Variants in CEP112 observed in about 807,000 individuals in gnomAD.
The protein encoded by CEP112 is centrosomal protein 112.
CEP112 carries 127 observed loss-of-function variants against 153.0 expected under a neutral mutation model. That is an observed-to-expected ratio of 0.83 (90% CI 0.72 to 0.96). The LOEUF (loss-of-function observed/expected upper bound fraction) is 0.96. CEP112 is among the 40% of genes least tolerant of loss of function. The pLI, the probability that CEP112 is intolerant of heterozygous loss-of-function variation, is 0.00. For synonymous variants in CEP112, 358 were observed against 374.4 expected (o/e 0.96, Z 0.51); for missense variants, 1,089 against 1,101.2 (o/e 0.99, Z 0.16).
chr17:66,004,818 T>C (rs2064205287), intron 17 of CEP112, among the ~76,000 whole-genome samples: 1 of 152,214 alleles, frequency 6.6e-6, no homozygotes, highest in African/African-American at 2.4e-5. Context: ...GTCATTCTTA[T>C]TTGCAGGTTT....
intron 24 of CEP112, among the ~76,000 whole-genome samples, chr17:65,660,501 TC>T (rs2046333225): frequency 8.1e-6 from 1 of 122,940 alleles, no homozygotes; most frequent in Admixed American, 8.8e-5. Context: ...CTTCCTTCCT[TC>T]CTTCCTTCCT....
At chr17:65,991,957 T>C (rs1021340436) in intron 17 of CEP112, among the ~76,000 whole-genome samples, 4 of 152,044 alleles carry the variant, frequency 2.6e-5, no homozygotes, top group Non-Finnish European at 5.9e-5. Context: ...AGCTCCTAGG[T>C]AAACTGGAAG....
At chr17:65,916,769 A>C (rs2060508554) in intron 19 of CEP112, among the ~76,000 whole-genome samples, 1 of 151,008 alleles carries the variant, frequency 6.6e-6, no homozygotes. Flanking sequence ...CTGGTCTCTC[A>C]CTCCTAGCTC....
chr17:66,044,711 G>A (rs540848671), intron 12 of CEP112, among the ~76,000 whole-genome samples: 2 of 152,296 alleles, frequency 1.3e-5, no homozygotes, highest in South Asian at 4.2e-4. Flanking sequence ...GACGGCAAAT[G>A]GAGAATTATT....
rs769497207 is a variant in CEP112 at position 65,852,051 on chromosome 17, G to GA, written c.2164-18dup. The GA allele has an allele frequency of 1.7e-5, 27 of 1,564,288 alleles. No homozygotes were observed. The Middle Eastern group carries it at 2.9e-3, about 168-fold the overall frequency. On this transcript the variant is annotated splice_polypyrimidine_tract_variant and intron_variant, in intron 20 of 26. Transcript: ENST00000535342. ...GGCAATAACCTTGTTTTTAAAAATG[G>GA]AAAAATGGGCAGAAGATATCAATAG...
intron 17 of CEP112, among the ~76,000 whole-genome samples, chr17:65,980,994 G>GA (rs2063206287): frequency 6.6e-6 from 1 of 152,160 alleles, no homozygotes; most frequent in Non-Finnish European, 1.5e-5. Flanking sequence ...GTCTTTAGTA[G>GA]AACATGGAGA....
intron 21 of CEP112, among the ~76,000 whole-genome samples, chr17:65,839,737 T>G (rs919134749): frequency 1.3e-5 from 2 of 152,050 alleles, no homozygotes; most frequent in Non-Finnish European, 2.9e-5. Context: ...AAATTATCCT[T>G]ATTCACAGAC....
chr17:65,695,348 T>C (rs1489246736), intron 23 of CEP112, among the ~76,000 whole-genome samples: 1 of 152,196 alleles, frequency 6.6e-6, no homozygotes, highest in African/African-American at 2.4e-5. Flanking sequence ...AACATGCCCA[T>C]TGAATGGCAC....
In CEP112 at chr17:66,084,750, G is replaced by C. The variant is rs1369752924; in HGVS notation, c.768+11501C>G. 4.6e-5 allele frequency among the ~76,000 whole-genome samples: 7 copies of C among 151,756 alleles called. No individual in the cohort carries two copies. In the South Asian group the frequency reaches 1.0e-3, roughly 23 times the overall value. The stretch of plus-strand genomic sequence containing the variant: ...GAACGAAGAAACCTATAATTTGCTG[G>C]AACAATAAGGTGACTACAGTCAAAA... On this transcript the variant is annotated intron_variant, in intron 8 of 26. Coordinates refer to ENST00000535342, the MANE Select transcript of CEP112 (RefSeq NM_001199165.4).
intron 21 of CEP112, among the ~76,000 whole-genome samples, chr17:65,757,791 G>C (rs1436881592): frequency 6.6e-6 from 1 of 152,130 alleles, no homozygotes; most frequent in African/African-American, 2.4e-5. Context: ...TAACTTATCA[G>C]GCAAACTGTC....
intron 21 of CEP112, among the ~76,000 whole-genome samples, chr17:65,837,957 C>T (rs563162016): frequency 2.0e-5 from 3 of 152,214 alleles, no homozygotes; most frequent in African/African-American, 4.8e-5. Context: ...CTGCGGAAGG[C>T]GGCAGGGCCC....
rs374024332 is a variant in CEP112 at position 65,653,998 on chromosome 17, G to A, written c.2698-12933C>T. Among the ~76,000 whole-genome samples, 10 of 143,236 alleles carry A rather than the reference G, an allele frequency of 7.0e-5. No individual in the cohort carries two copies. The South Asian group carries it at 1.1e-3, about 16-fold the overall frequency. 94.0% of individuals were successfully genotyped at this position (143,236 alleles called of 152,430 possible). ...TGCTTGAACCCAGGAGACAGAGGTT[G>A]CAGTAAGCCGAGATTGCGCCACTGT... On this transcript the variant is annotated intron_variant, in intron 24 of 26. Transcript: ENST00000535342.
chr17:65,759,116 C>A (rs2145363060), intron 21 of CEP112, among the ~76,000 whole-genome samples: 1 of 152,250 alleles, frequency 6.6e-6, no homozygotes, highest in African/African-American at 2.4e-5. Context: ...CTGCTACACT[C>A]CCACTGGCAC....
intron 21 of CEP112, among the ~76,000 whole-genome samples, chr17:65,764,910 A>T: frequency 7.3e-6 from 1 of 136,934 alleles, no homozygotes; most frequent in African/African-American, 2.9e-5. Flanking sequence ...TTTTTTCTTT[A>T]TTTTTTTGTG....
chr17:66,094,881 A>C (rs570727695), intron 8 of CEP112, among the ~76,000 whole-genome samples: 1 of 152,336 alleles, frequency 6.6e-6, no homozygotes, highest in East Asian at 1.9e-4. Context: ...GCAAATAGCC[A>C]CCAGATATAT....
intron 4 of CEP112, among the ~76,000 whole-genome samples, chr17:66,164,375 T>A (rs761123172): frequency 6.7e-6 from 1 of 150,230 alleles, no homozygotes; most frequent in African/African-American, 2.5e-5. Context: ...CTGGCCAACA[T>A]AGCAAGACCC....
chr17:66,135,768 A>T (rs1450740043), intron 4 of CEP112, among the ~76,000 whole-genome samples: 21 of 152,204 alleles, frequency 1.4e-4, no homozygotes, highest in Non-Finnish European at 2.9e-4. Context: ...CAAAGTATCA[A>T]TGCTGATTCT....
chr17:66,104,192 C>T (rs1439090652), intron 6 of CEP112, among the ~76,000 whole-genome samples: 2 of 152,164 alleles, frequency 1.3e-5, no homozygotes, highest in African/African-American at 4.8e-5. Context: ...CCAGGCAACA[C>T]AGTTTGCAGC....
intron 17 of CEP112, among the ~76,000 whole-genome samples, chr17:65,989,945 T>C (rs867140735): frequency 6.6e-6 from 1 of 152,112 alleles, no homozygotes; most frequent in African/African-American, 2.4e-5. Flanking sequence ...AGATAAATTT[T>C]CATCTCTTTA....
Sources: allele counts gnomAD v4.1 joint callset (sites outside exome capture counted in the v4.1 genomes callset), GRCh38; gene constraint gnomAD v4.1.1; transcripts MANE v1.5; gene names NCBI Gene and HGNC (gene_info 2026-07-23, HGNC 2026-07-21).